Variants in PRKCE observed in about 807,000 individuals in gnomAD.
The protein encoded by PRKCE is protein kinase C epsilon type.
In PRKCE, 16 loss-of-function variants were observed where a neutral mutation model predicts 85.4. The ratio of observed to expected loss-of-function variants is 0.19; its 90% CI spans 0.13 to 0.28. The LOEUF is 0.28. PRKCE is among the 10% of genes least tolerant of loss of function. PRKCE has a pLI of 1.00. For missense variants in PRKCE, 573 were observed against 975.2 expected, an observed-to-expected ratio of 0.59 and a Z score of 5.49; for synonymous variants, 388 against 371.5, an observed-to-expected ratio of 1.04 and a Z score of -0.51.
rs1038872269 is a variant in PRKCE at position 45,844,778 on chromosome 2, T to C, written c.412+1715T>C. On this transcript the variant is annotated intron_variant, in intron 2 of 14. Transcript: ENST00000306156. ...TTTTCTCTTTCTTTGAAAAGATAAA[T>C]GACTTGCAAAATTATAGAAGACATC... Among the ~76,000 whole-genome samples the C allele has an allele frequency of 5.9e-5, 9 of 152,344 alleles. 1 individual carries two copies. In the South Asian group the frequency reaches 1.9e-3, roughly 32 times the overall value.
intron 1 of PRKCE, among the ~76,000 whole-genome samples, chr2:45,720,261 G>T (rs1680500677): frequency 6.6e-6 from 1 of 152,158 alleles, no homozygotes. Context: ...TAAAGTGGAG[G>T]AGTTGAGATA....
intron 1 of PRKCE, among the ~76,000 whole-genome samples, chr2:45,709,227 C>G (rs1679391813): frequency 6.6e-6 from 1 of 152,202 alleles, no homozygotes; most frequent in Admixed American, 6.5e-5. Context: ...CAGGAGCACC[C>G]TGGGCTGGGG....
rs35088567 is a variant in PRKCE, at chr2:46,001,252, C to CATATATATATATATATAT, written c.824-149_824-132dup. 5.8e-6 allele frequency: 2 copies of CATATATATATATATATAT among 345,672 alleles called. No homozygotes were observed. The highest frequency in any genetic ancestry group is 4.6e-5 in the African/African-American group (2 of 43,042). 21.4% of individuals were successfully genotyped at this position (345,672 alleles called of 1,614,324 possible). On this transcript the variant is annotated intron_variant, in intron 6 of 14. Coordinates refer to ENST00000306156, the MANE Select transcript of PRKCE (RefSeq NM_005400.3). This position sits in a 1 kb window ranked among gnomAD's most constrained non-coding sequence, Gnocchi z 4.4. ...GATTTTGGTTTTGTATGATGGAAGA[C>CATATATATATATATATAT]ATATATATATATATATATATTTCTG...
At chr2:45,799,770 A>G (rs1687714812) in intron 1 of PRKCE, among the ~76,000 whole-genome samples, 1 of 152,136 alleles carries the variant, frequency 6.6e-6, no homozygotes, top group Non-Finnish European at 1.5e-5. Flanking sequence ...TAATTTGTAC[A>G]AGGAGAAGAT....
chr2:45,889,184 T>C (rs1300929315), intron 2 of PRKCE, among the ~76,000 whole-genome samples: 1 of 151,458 alleles, frequency 6.6e-6, no homozygotes, highest in Non-Finnish European at 1.5e-5. Context: ...GTATACCGAG[T>C]TGGGGGAGGG....
chr2:45,721,153 G>A (rs1680588728), intron 1 of PRKCE, among the ~76,000 whole-genome samples: 1 of 152,070 alleles, frequency 6.6e-6, no homozygotes, highest in Non-Finnish European at 1.5e-5. Context: ...GCTGTCGGAA[G>A]AGCAGGTAAT....
chr2:46,122,691 G>T (rs1337809374), intron 11 of PRKCE, among the ~76,000 whole-genome samples: 1 of 152,150 alleles, frequency 6.6e-6, no homozygotes, highest in Non-Finnish European at 1.5e-5. Context: ...AATTGGGCCT[G>T]ACAGTAAGTG....
intron 2 of PRKCE, among the ~76,000 whole-genome samples, chr2:45,864,421 T>G (rs1329320331): frequency 6.6e-6 from 1 of 152,214 alleles, no homozygotes; most frequent in Non-Finnish European, 1.5e-5. Context: ...CTTCAACATT[T>G]TTAGGAACAA....
intron 1 of PRKCE, among the ~76,000 whole-genome samples, chr2:45,796,517 G>C (rs756481265): frequency 1.3e-5 from 2 of 152,084 alleles, no homozygotes; most frequent in Non-Finnish European, 2.9e-5. Flanking sequence ...CACTAAAATT[G>C]AACTTCTTGA....
chr2:45,863,229 T>TCTTGA (rs1380417836), intron 2 of PRKCE, among the ~76,000 whole-genome samples: 2 of 152,116 alleles, frequency 1.3e-5, no homozygotes, highest in Non-Finnish European at 2.9e-5. Context: ...GGTAGGAAGA[T>TCTTGA]CTTGACTCTT....
intron 2 of PRKCE, among the ~76,000 whole-genome samples, chr2:45,960,159 T>C (rs537955812): frequency 1.3e-5 from 2 of 152,326 alleles, no homozygotes; most frequent in East Asian, 3.9e-4. Context: ...CCATTTCATA[T>C]TTTTTAATGT....
chr2:46,138,421 GCCTCAGTTT>G lies in PRKCE; in HGVS notation c.1593-6666_1593-6658del, dbSNP rs1277311537. On this transcript the variant is annotated intron_variant, in intron 11 of 14. Coordinates refer to ENST00000306156, the MANE Select transcript of PRKCE (RefSeq NM_005400.3). The surrounding 1 kb of genome is among the most constrained non-coding windows in gnomAD (Gnocchi z 4.2). Reference sequence around the variant, plus strand: ...ACCTCAGACAAGTTACCTTTTCTGAGCCTCAGTTTCCTCATACATTTAAACATGTGGGTT... The same window carrying G: ...ACCTCAGACAAGTTACCTTTTCTGAGCCTCATACATTTAAACATGTGGGTT... Among the ~76,000 whole-genome samples the G allele has an allele frequency of 1.3e-5, 2 of 152,212 alleles. No individual in the cohort carries two copies. The highest frequency in any genetic ancestry group is 4.8e-5 in the African/African-American group (2 of 41,456).
chr2:46,063,668 T>C (rs755499052), intron 10 of PRKCE, among the ~76,000 whole-genome samples: 2 of 152,152 alleles, frequency 1.3e-5, no homozygotes, highest in Non-Finnish European at 2.9e-5. Flanking sequence ...GGGCAGAGAA[T>C]TCCGCAACTG....
At chr2:46,134,721 C>T (rs776701009) in intron 11 of PRKCE, among the ~76,000 whole-genome samples, 13 of 152,226 alleles carry the variant, frequency 8.5e-5, no homozygotes, top group Non-Finnish European at 1.8e-4. Flanking sequence ...AGAAAAGTGA[C>T]TTGCTTGTGG....
chr2:46,004,751 C>T lies in PRKCE; in HGVS notation c.1063+113C>T, dbSNP rs1558947636. 1 of 922,976 alleles carries T rather than the reference C, an allele frequency of 1.1e-6. No homozygotes were observed. Among genetic ancestry groups the T allele is most frequent in the Non-Finnish European group, 1.7e-6 (1 of 601,992 alleles). The allele number at this position is 922,976 out of a possible 1,614,324, so 57.2% of individuals were successfully genotyped here. Reference sequence around the variant, plus strand: ...CTTGTTAGCTGAAATAGCTAGCAGCCCTGGTGGGTTTTCACACACCCGTTG... The same window carrying T: ...CTTGTTAGCTGAAATAGCTAGCAGCTCTGGTGGGTTTTCACACACCCGTTG... On this transcript the variant is annotated intron_variant, in intron 8 of 14. Transcript: ENST00000306156. The surrounding 1 kb of genome is among the most constrained non-coding windows in gnomAD (Gnocchi z 4.1).
chr2:45,875,649 G>C (rs1694419963), intron 2 of PRKCE, among the ~76,000 whole-genome samples: 1 of 152,170 alleles, frequency 6.6e-6, no homozygotes, highest in South Asian at 2.1e-4. Context: ...GACCAGTTGG[G>C]GGTAAAATGT....
At chr2:45,935,413 A>C (rs1358202813) in intron 2 of PRKCE, among the ~76,000 whole-genome samples, 1 of 152,214 alleles carries the variant, frequency 6.6e-6, no homozygotes, top group Non-Finnish European at 1.5e-5. Flanking sequence ...TTAGCTAAAA[A>C]ATATTAATAC....
At chr2:45,882,447 A>T (rs1694958217) in intron 2 of PRKCE, among the ~76,000 whole-genome samples, 1 of 152,228 alleles carries the variant, frequency 6.6e-6, no homozygotes, top group Admixed American at 6.5e-5. Flanking sequence ...TGGATGAGTT[A>T]TTCTGTGGTA....
chr2:46,116,891 A>AG (rs1181419470), intron 11 of PRKCE, among the ~76,000 whole-genome samples: 2 of 152,328 alleles, frequency 1.3e-5, no homozygotes, highest in East Asian at 3.9e-4. Flanking sequence ...ACCGGAGAGC[A>AG]GGCATTTCAC....
Sources: gnomAD v4.1 joint callset for allele counts (sites outside exome capture counted in the v4.1 genomes callset) on GRCh38, gnomAD v4.1.1 for gene constraint, Gnocchi (gnomAD v3.1) non-coding constraint, MANE v1.5 for transcripts, NCBI Gene and HGNC (gene_info 2026-07-23, HGNC 2026-07-21) for gene names.